The following CHST3 variants were observed in gnomAD, a reference collection of about 807,000 sequenced individuals.
CHST3 encodes carbohydrate sulfotransferase 3.
In CHST3, 20 loss-of-function variants were observed where a neutral mutation model predicts 35.4. That is an observed-to-expected ratio of 0.57 (90% CI 0.40 to 0.82). The LOEUF (loss-of-function observed/expected upper bound fraction) is 0.82, where lower values mean the gene tolerates loss of function less well. Ranked by LOEUF, CHST3 falls within the 40% of genes least tolerant of loss-of-function variation. The pLI is 0.00. For synonymous variants in CHST3, 334 were observed against 295.9 expected (o/e 1.13, Z -1.32); for missense variants, 693 against 670.1 (o/e 1.03, Z -0.38).
At chr10:71,989,949 A>G (rs1156664634) in intron 1 of CHST3, among the ~76,000 whole-genome samples, 4 of 152,238 alleles carry the variant, frequency 2.6e-5, no homozygotes, top group African/African-American at 9.6e-5. Flanking sequence ...TTGCACTGAT[A>G]AATGTACCTA....
intron 1 of CHST3, among the ~76,000 whole-genome samples, chr10:71,989,286 C>T (rs58404044): frequency 0.022 from 3,369 of 152,102 alleles, 92 homozygotes; most frequent in African/African-American, 0.066. Context: ...CTCCAAAAAG[C>T]TTTTTTTAAA....
At chr10:71,974,075 C>T (rs56328539) in intron 1 of CHST3, among the ~76,000 whole-genome samples, 37,026 of 152,172 alleles carry the variant, frequency 0.24, 6,727 homozygotes, top group African/African-American at 0.52. Flanking sequence ...ATGGGGAAGA[C>T]ATGGGAATAA....
rs1247646975 is a variant in CHST3 at position 72,007,555 on chromosome 10, A to T, written c.524A>T (p.Glu175Val). The change falls in exon 3 of 3, where the codon GAG becomes GTG. Residue 175 changes from glutamate (E) to valine (V), a missense_variant. Transcript: ENST00000373115. ...LWHIERTVSF[E>V]PGGANAAGSA... ...CACATCGAGCGCACAGTGTCCTTCG[A>T]GCCGGGGGGCGCCAACGCCGCGGGC... The T allele has an allele frequency of 2.5e-6, 4 of 1,606,780 alleles. No homozygotes were observed. Among genetic ancestry groups the T allele is most frequent in the Admixed American group, 1.7e-5 (1 of 59,974 alleles).
At chr10:71,980,779 T>C (rs991935201) in intron 1 of CHST3, among the ~76,000 whole-genome samples, 1 of 152,214 alleles carries the variant, frequency 6.6e-6, no homozygotes, top group Admixed American at 6.5e-5. Context: ...CTTTATTGAA[T>C]GGATGAGAAT....
rs1246520207 is a variant in CHST3 at position 72,008,819 on chromosome 10, G to T, written c.*348G>T. On this transcript the variant is annotated 3_prime_UTR_variant, in exon 3 of 3. Coordinates refer to ENST00000373115, the MANE Select transcript of CHST3 (RefSeq NM_004273.5). The stretch of plus-strand genomic sequence containing the variant: ...CCAGAGTCCAAATATTTAACAATCA[G>T]AAGGGGCAAGGCTCTGACCAGTGAC... The T allele has an allele frequency of 1.2e-4, 26 of 208,386 alleles. No homozygotes were observed. The allele number at this position is 208,386 out of a possible 1,614,324, so 12.9% of individuals were successfully genotyped here.
intron 1 of CHST3, among the ~76,000 whole-genome samples, chr10:71,993,612 G>A (rs1839916267): frequency 6.6e-6 from 1 of 152,180 alleles, no homozygotes; most frequent in Admixed American, 6.5e-5. Flanking sequence ...ATCCAACAGA[G>A]GAATCACTGT....
chr10:71,991,285 A>C (rs972643966), intron 1 of CHST3, among the ~76,000 whole-genome samples: 1 of 152,224 alleles, frequency 6.6e-6, no homozygotes, highest in Non-Finnish European at 1.5e-5. Context: ...TCACCCACAC[A>C]GTATATTCCA....
chr10:71,967,416 G>T (rs772503424), intron 1 of CHST3, among the ~76,000 whole-genome samples: 1 of 152,176 alleles, frequency 6.6e-6, no homozygotes, highest in African/African-American at 2.4e-5. Flanking sequence ...CTAAGTGAGA[G>T]CATGGGGCAC....
chr10:71,985,800 C>T (rs1414500299), intron 1 of CHST3, among the ~76,000 whole-genome samples: 2 of 152,158 alleles, frequency 1.3e-5, no homozygotes, highest in East Asian at 3.9e-4. Context: ...GAAAGCCTAG[C>T]CTAATGTCAC....
chr10:72,003,210 A>G (rs2055656733), intron 1 of CHST3, among the ~76,000 whole-genome samples: 1 of 152,206 alleles, frequency 6.6e-6, no homozygotes. Flanking sequence ...TAAGCTGCCC[A>G]TATCATTGGT....
At chr10:71,981,479 C>T (rs938108096) in intron 1 of CHST3, among the ~76,000 whole-genome samples, 1 of 152,176 alleles carries the variant, frequency 6.6e-6, no homozygotes, top group Non-Finnish European at 1.5e-5. Flanking sequence ...AACAATGGCC[C>T]GTTGATGACT....
chr10:71,979,128 A>G (rs565314104), intron 1 of CHST3, among the ~76,000 whole-genome samples: 63 of 152,282 alleles, frequency 4.1e-4, no homozygotes, highest in African/African-American at 1.4e-3. Flanking sequence ...AGTGATATGA[A>G]TGGTGCAAGG....
At position 72,010,112 on chromosome 10, in the gene CHST3, C is replaced by A. The variant is rs942382770; in HGVS notation, c.*1641C>A. ...CAGAGCAGCAGAGATTTGCAGCCCT[C>A]GCCCCTCCCTGAGAAGAAGCTGGAT... On this transcript the variant is annotated 3_prime_UTR_variant, in exon 3 of 3. Coordinates refer to ENST00000373115, the MANE Select transcript of CHST3 (RefSeq NM_004273.5). 2.0e-5 allele frequency: 3 copies of A among 152,352 alleles called. No homozygotes were observed. The highest frequency in any genetic ancestry group is 4.4e-5 in the Non-Finnish European group (3 of 68,146). The allele number at this position is 152,352 out of a possible 1,614,324, so 9.4% of individuals were successfully genotyped here.
intron 1 of CHST3, among the ~76,000 whole-genome samples, chr10:71,998,929 C>G (rs1236842785): frequency 6.6e-6 from 1 of 152,050 alleles, no homozygotes; most frequent in Non-Finnish European, 1.5e-5. Flanking sequence ...GGTGGGGGAG[C>G]TGCAGCCAGG....
intron 1 of CHST3, among the ~76,000 whole-genome samples, chr10:71,969,439 C>T (rs1475090969): frequency 6.6e-6 from 1 of 152,202 alleles, no homozygotes; most frequent in East Asian, 1.9e-4. Context: ...ACTGCTCCAC[C>T]CACCCTCATC....
chr10:72,003,559 G>T (rs759903410), intron 1 of CHST3, among the ~76,000 whole-genome samples: 5 of 152,080 alleles, frequency 3.3e-5, no homozygotes, highest in Admixed American at 6.6e-5. Flanking sequence ...AAATTAGCTG[G>T]GAGTGGTGGC....
intron 1 of CHST3, among the ~76,000 whole-genome samples, chr10:71,993,715 G>A (rs773555736): frequency 6.6e-5 from 10 of 152,322 alleles, no homozygotes; most frequent in Non-Finnish European, 1.5e-4. Flanking sequence ...TCAGCACTTT[G>A]GGAGGCCAAG....
intron 1 of CHST3, among the ~76,000 whole-genome samples, chr10:71,971,081 A>G (rs184299996): frequency 2.0e-5 from 3 of 152,126 alleles, no homozygotes; most frequent in Non-Finnish European, 4.4e-5. Flanking sequence ...ACCAACTTTA[A>G]AACCAGGCAC....
intron 1 of CHST3, among the ~76,000 whole-genome samples, chr10:71,969,481 A>T (rs960861237): frequency 2.0e-5 from 3 of 152,210 alleles, no homozygotes; most frequent in Admixed American, 1.3e-4. Context: ...ACAGATGTCC[A>T]TAGAACGGGA....
Sources: allele counts gnomAD v4.1 joint callset (sites outside exome capture counted in the v4.1 genomes callset), GRCh38; gene constraint gnomAD v4.1.1; transcripts MANE v1.5; gene names NCBI Gene and HGNC (gene_info 2026-07-23, HGNC 2026-07-21).